Variants in SLC24A2 observed in about 807,000 individuals in gnomAD.
SLC24A2 encodes the protein solute carrier family 24 member 2, also known as sodium/potassium/calcium exchanger 2.
SLC24A2 carries 36 observed loss-of-function variants against 62.0 expected under a neutral mutation model. The observed-to-expected ratio is 0.58, with a 90% CI of 0.44 to 0.77. The LOEUF (loss-of-function observed/expected upper bound fraction) is 0.77. Among genes scored for constraint, SLC24A2 ranks in the 30% least tolerant of loss-of-function variants. The pLI is 0.00. For missense variants in SLC24A2, 846 were observed against 817.9 expected (o/e 1.03, Z -0.42); for synonymous variants, 358 against 294.0 (o/e 1.22, Z -2.23).
chr9:20,177,102 C>T, the SLC24A2 span, among the ~76,000 whole-genome samples: 1 of 152,068 alleles, frequency 6.6e-6, no homozygotes, highest in Non-Finnish European at 1.5e-5. Context: ...ATTAGATTGG[C>T]TGACATTTAT....
At chr9:19,663,916 T>C (rs1488767334) in intron 2 of SLC24A2, among the ~76,000 whole-genome samples, 1 of 152,224 alleles carries the variant, frequency 6.6e-6, no homozygotes, top group African/African-American at 2.4e-5. Context: ...TGATTTCCCT[T>C]CCAATATCCT....
the SLC24A2 span, among the ~76,000 whole-genome samples, chr9:20,054,796 T>C: frequency 6.6e-6 from 1 of 152,174 alleles, no homozygotes; most frequent in Non-Finnish European, 1.5e-5. Flanking sequence ...GAGGAATTAG[T>C]ATGAAGTGTT....
At chr9:20,064,959 G>T in the SLC24A2 span, among the ~76,000 whole-genome samples, 58 of 152,286 alleles carry the variant, frequency 3.8e-4, no homozygotes, top group Admixed American at 3.3e-4. Flanking sequence ...GGAGGGACAG[G>T]CAGGTGAAAG....
intron 2 of SLC24A2, among the ~76,000 whole-genome samples, chr9:19,639,689 G>T (rs1401048641): frequency 6.6e-6 from 1 of 152,230 alleles, no homozygotes; most frequent in Non-Finnish European, 1.5e-5. Flanking sequence ...AATGATGACA[G>T]CATTTTGCCT....
At chr9:19,612,706 G>T (rs776142570) in intron 4 of SLC24A2, among the ~76,000 whole-genome samples, 1 of 152,048 alleles carries the variant, frequency 6.6e-6, no homozygotes, top group Non-Finnish European at 1.5e-5. Context: ...ACTGCTCATA[G>T]TTCTTTATCA....
the SLC24A2 span, among the ~76,000 whole-genome samples, chr9:20,062,993 C>T: frequency 2.6e-5 from 3 of 117,434 alleles, 1 homozygote; most frequent in South Asian, 6.3e-4. Flanking sequence ...CAGGAAACAA[C>T]AGCTGCTGGA....
chr9:19,955,389 T>TG, the SLC24A2 span, among the ~76,000 whole-genome samples: 12 of 150,264 alleles, frequency 8.0e-5, no homozygotes, highest in Non-Finnish European at 1.2e-4. Flanking sequence ...TTTTTTTTTT[T>TG]TTGTTTTCCT....
intron 5 of SLC24A2, among the ~76,000 whole-genome samples, chr9:19,591,715 G>A (rs552690490): frequency 6.6e-6 from 1 of 152,322 alleles, no homozygotes; most frequent in African/African-American, 2.4e-5. Context: ...GCAGAAGGAT[G>A]GAAGGAGCCT....
chr9:19,807,948 C>T, the SLC24A2 span, among the ~76,000 whole-genome samples: 9 of 152,150 alleles, frequency 5.9e-5, no homozygotes, highest in Admixed American at 2.0e-4. Context: ...ATAAGTCATC[C>T]CTTCTAAATG....
chr9:19,595,165 C>T (rs556501981), intron 5 of SLC24A2, among the ~76,000 whole-genome samples: 1 of 152,296 alleles, frequency 6.6e-6, no homozygotes, highest in Admixed American at 6.5e-5. Flanking sequence ...TTATTATATG[C>T]TGCAGTACAC....
intron 10 of SLC24A2, among the ~76,000 whole-genome samples, chr9:19,517,717 G>A (rs1456515017): frequency 6.6e-6 from 1 of 152,020 alleles, no homozygotes; most frequent in Non-Finnish European, 1.5e-5. Context: ...GGGAACAAGG[G>A]GTAATTCCAG....
the SLC24A2 span, among the ~76,000 whole-genome samples, chr9:20,201,055 A>C: frequency 6.6e-6 from 1 of 152,338 alleles, no homozygotes; most frequent in Admixed American, 6.5e-5. Flanking sequence ...CAGTACCCAA[A>C]GTCCAGACTG....
chr9:19,704,443 A>T (rs1820448994), intron 2 of SLC24A2, among the ~76,000 whole-genome samples: 1 of 152,232 alleles, frequency 6.6e-6, no homozygotes, highest in South Asian at 2.1e-4. Flanking sequence ...GGAAGAATAC[A>T]TATTAAAATA....
At chr9:20,217,026 A>G in the SLC24A2 span, among the ~76,000 whole-genome samples, 1 of 152,202 alleles carries the variant, frequency 6.6e-6, no homozygotes, top group Non-Finnish European at 1.5e-5. Context: ...CCAAAAGTCA[A>G]GAAGAAAAAT....
chr9:19,846,109 A>C, the SLC24A2 span, among the ~76,000 whole-genome samples: 30 of 152,196 alleles, frequency 2.0e-4, no homozygotes, highest in African/African-American at 5.3e-4. Context: ...ATTAGGTCCA[A>C]TTGGTCAAGT....
chr9:19,782,515 T>C lies in SLC24A2; in HGVS notation c.930+3422A>G, dbSNP rs79160503. ...ATGTTTGACCCATTTATATTCACTG[T>C]ATGTGAACTAGAGCTTATGAATATT... On this transcript the variant is annotated intron_variant, in intron 2 of 10. Coordinates refer to ENST00000341998, the MANE Select transcript of SLC24A2 (RefSeq NM_020344.4). Among the ~76,000 whole-genome samples the C allele has an allele frequency of 9.1e-3, 1,390 of 152,326 alleles. 20 individuals are homozygous for C. The highest frequency in any genetic ancestry group is 0.031 in the African/African-American group (1,270 of 41,574).
intron 8 of SLC24A2, among the ~76,000 whole-genome samples, chr9:19,531,460 G>A (rs139767318): frequency 6.6e-6 from 1 of 152,140 alleles, no homozygotes; most frequent in Non-Finnish European, 1.5e-5. Flanking sequence ...TAAGCAAATT[G>A]CATCCATGTG....
rs982460187 is a variant in SLC24A2 at position 19,632,902 on chromosome 9, G to A, written c.931-10603C>T. 1.3e-5 allele frequency among the ~76,000 whole-genome samples: 2 copies of A among 152,136 alleles called. No individual in the cohort carries two copies. Among genetic ancestry groups the A allele is most frequent in the African/African-American group, 4.8e-5 (2 of 41,430 alleles). The stretch of plus-strand genomic sequence containing the variant: ...TGTGTAGCTTCATGTAACCACCACT[G>A]CAATCAAGATAATTAACTATAACAT... On this transcript the variant is annotated intron_variant, in intron 2 of 10. Coordinates refer to ENST00000341998, the MANE Select transcript of SLC24A2 (RefSeq NM_020344.4). The surrounding 1 kb of genome is among the most constrained non-coding windows in gnomAD (Gnocchi z 4.5).
chr9:19,888,626 C>T, the SLC24A2 span, among the ~76,000 whole-genome samples: 2 of 152,176 alleles, frequency 1.3e-5, no homozygotes, highest in African/African-American at 4.8e-5. Context: ...ATGCAAAGGA[C>T]CTAATTCCGA....
Sources: gnomAD v4.1 joint callset for allele counts (sites outside exome capture counted in the v4.1 genomes callset) on GRCh38, gnomAD v4.1.1 for gene constraint, Gnocchi (gnomAD v3.1) non-coding constraint, MANE v1.5 for transcripts, NCBI Gene and HGNC (gene_info 2026-07-23, HGNC 2026-07-21) for gene names.